The following JARID2 variants were observed in gnomAD, a reference collection of about 807,000 sequenced individuals.
The protein encoded by JARID2 is jumonji and AT-rich interaction domain containing 2.
JARID2 carries 21 observed loss-of-function variants against 125.6 expected under a neutral mutation model. The observed-to-expected ratio is 0.17, with a 90% confidence interval of 0.12 to 0.24. The LOEUF is 0.24. JARID2 is among the 10% of genes least tolerant of loss of function. The pLI, the probability that JARID2 is intolerant of heterozygous loss-of-function variation, is 1.00. For synonymous variants in JARID2, 736 were observed against 661.6 expected (o/e 1.11, Z -1.73); for missense variants, 1,303 against 1,639.6 (o/e 0.79, Z 3.55).
At chr6:15,401,105 G>A in intron 2 of JARID2, 1 of 1,288,064 alleles carries the variant, frequency 7.8e-7, no homozygotes, top group Non-Finnish European at 1.0e-6. Flanking sequence ...AGGCCTTTGT[G>A]GGTTTCCCTG....
intron 2 of JARID2, among the ~76,000 whole-genome samples, chr6:15,392,202 A>G (rs1221171118): frequency 6.6e-6 from 1 of 151,934 alleles, no homozygotes; most frequent in African/African-American, 2.4e-5. Flanking sequence ...GTGGCCTAAA[A>G]CCATTTCTAA....
chr6:15,387,972 T>G (rs1764852063), intron 2 of JARID2, among the ~76,000 whole-genome samples: 1 of 152,150 alleles, frequency 6.6e-6, no homozygotes, highest in Non-Finnish European at 1.5e-5. Context: ...TGTAATAGAA[T>G]AGAAAGACCC....
chr6:15,255,306 T>C (rs898634080), intron 1 of JARID2, among the ~76,000 whole-genome samples: 9 of 152,160 alleles, frequency 5.9e-5, no homozygotes, highest in African/African-American at 2.2e-4. Flanking sequence ...GGTTTCACCC[T>C]GTTGGCCAGG....
chr6:15,257,346 C>T (rs1759703594), intron 1 of JARID2, among the ~76,000 whole-genome samples: 1 of 152,096 alleles, frequency 6.6e-6, no homozygotes, highest in Non-Finnish European at 1.5e-5. Context: ...ATTGAAATCA[C>T]ATACTGGACA....
intron 7 of JARID2, among the ~76,000 whole-genome samples, chr6:15,498,351 A>G (rs1386617836): frequency 6.6e-6 from 1 of 152,022 alleles, no homozygotes; most frequent in African/African-American, 2.4e-5. Context: ...TGTCATGCAG[A>G]CCCTTGCTCC....
At chr6:15,512,455 C>G in intron 14 of JARID2, 65 bp downstream of exon 14, 1 of 1,442,880 alleles carries the variant, frequency 6.9e-7, no homozygotes, top group South Asian at 1.2e-5. Context: ...TGCGTGAGCG[C>G]ACACAGAAGC....
intron 3 of JARID2, among the ~76,000 whole-genome samples, chr6:15,435,849 T>C (rs969040083): frequency 2.0e-5 from 3 of 152,070 alleles, no homozygotes; most frequent in African/African-American, 7.3e-5. Context: ...AACTTTGAAC[T>C]TCAGGAGTAC....
intron 5 of JARID2, among the ~76,000 whole-genome samples, chr6:15,470,295 G>A (rs979052000): frequency 1.3e-5 from 2 of 152,228 alleles, no homozygotes; most frequent in African/African-American, 4.8e-5. Context: ...CTTTACTTAG[G>A]ACCCACTGAG....
intron 1 of JARID2, among the ~76,000 whole-genome samples, chr6:15,308,912 A>G (rs1280651332): frequency 6.6e-6 from 1 of 151,486 alleles, no homozygotes; most frequent in Non-Finnish European, 1.5e-5. Context: ...TTAATTTGAA[A>G]GAGTGCAGTG....
At chr6:15,271,177 T>C (rs905328099) in intron 1 of JARID2, among the ~76,000 whole-genome samples, 3 of 152,220 alleles carry the variant, frequency 2.0e-5, no homozygotes, top group Non-Finnish European at 2.9e-5. Context: ...GATTGTTTTC[T>C]CAGGTGGTAG....
intron 1 of JARID2, among the ~76,000 whole-genome samples, chr6:15,259,472 C>T (rs1759789850): frequency 6.6e-6 from 1 of 152,208 alleles, no homozygotes; most frequent in African/African-American, 2.4e-5. Context: ...CTTCCCAGAG[C>T]TGTGACAGCA....
chr6:15,459,581 G>T (rs1455945903), intron 4 of JARID2, among the ~76,000 whole-genome samples: 8 of 152,212 alleles, frequency 5.3e-5, no homozygotes, highest in African/African-American at 1.9e-4. Flanking sequence ...GTGAATTGAG[G>T]CAGAGGTAGT....
chr6:15,321,690 A>G (rs867092594), intron 1 of JARID2, among the ~76,000 whole-genome samples: 1 of 152,196 alleles, frequency 6.6e-6, no homozygotes, highest in African/African-American at 2.4e-5. Context: ...TAACAAGAAC[A>G]AACAACAGAA....
chr6:15,271,003 T>C (rs1760277522), intron 1 of JARID2, among the ~76,000 whole-genome samples: 1 of 152,132 alleles, frequency 6.6e-6, no homozygotes, highest in Admixed American at 6.5e-5. Context: ...CACTTTGCTT[T>C]CCCACAGTTG....
At chr6:15,360,399 G>C (rs1161212902) in intron 1 of JARID2, among the ~76,000 whole-genome samples, 1 of 152,044 alleles carries the variant, frequency 6.6e-6, no homozygotes, top group African/African-American at 2.4e-5. Flanking sequence ...TGGCCTGGCT[G>C]GTCTTCAACT....
At chr6:15,422,760 T>G (rs1420792310) in intron 3 of JARID2, among the ~76,000 whole-genome samples, 1 of 152,188 alleles carries the variant, frequency 6.6e-6, no homozygotes, top group Admixed American at 6.5e-5. Flanking sequence ...TGGTTTTGTG[T>G]GGGCTTCCCC....
At position 15,496,416 on chromosome 6, in the gene JARID2, C is replaced by A. The variant is rs1393398070; in HGVS notation, c.1191C>A (p.Ser397=). Residue 397 remains serine, a synonymous_variant, in exon 7 of 18, where the codon TCC becomes TCA. Coordinates refer to ENST00000341776, the MANE Select transcript of JARID2 (RefSeq NM_004973.4). Reference sequence around the variant, plus strand: ...AGGTGCTATCCCTCGGGGGGGCGTCCAAGTCCACTGGGCCCGCCGTCAATG... The same window carrying A: ...AGGTGCTATCCCTCGGGGGGGCGTCAAAGTCCACTGGGCCCGCCGTCAATG... ...RKQVLSLGGA[S]KSTGPAVNGL... The A allele has an allele frequency of 6.2e-7, 1 of 1,613,736 alleles. No homozygotes were observed. Among genetic ancestry groups the A allele is most frequent in the African/African-American group, 1.3e-5 (1 of 75,022 alleles).
chr6:15,382,872 G>A (rs946142541), intron 2 of JARID2, among the ~76,000 whole-genome samples: 1 of 152,192 alleles, frequency 6.6e-6, no homozygotes, highest in Non-Finnish European at 1.5e-5. Flanking sequence ...CGCCTCCTTT[G>A]TCAGTTCTGT....
intron 4 of JARID2, among the ~76,000 whole-genome samples, chr6:15,462,075 A>C (rs541084468): frequency 6.6e-6 from 1 of 152,278 alleles, no homozygotes; most frequent in East Asian, 1.9e-4. Flanking sequence ...TGAACGTTTT[A>C]CATTCATTTT....
Sources: gnomAD v4.1 joint callset for allele counts (sites outside exome capture counted in the v4.1 genomes callset) on GRCh38, gnomAD v4.1.1 for gene constraint, MANE v1.5 for transcripts, NCBI Gene and HGNC (gene_info 2026-07-23, HGNC 2026-07-21) for gene names.